TMEM9: variants seen among roughly 807,000 people sequenced by gnomAD.
TMEM9 encodes the protein transmembrane protein 9, also known as proton-transporting V-type ATPase complex assembly regulator TMEM9.
TMEM9 carries 13 observed loss-of-function variants against 22.8 expected under a neutral mutation model. The ratio of observed to expected loss-of-function variants is 0.57; its 90% CI spans 0.37 to 0.91. The LOEUF is 0.91. Among genes scored for constraint, TMEM9 ranks in the 40% least tolerant of loss-of-function variants. The probability of loss-of-function intolerance (pLI) is 0.01; values close to 1 mark genes in which losing one functional copy is unlikely to be tolerated. For synonymous variants in TMEM9, 88 were observed against 93.0 expected, an observed-to-expected ratio of 0.95 and a Z score of 0.31; for missense variants, 182 against 238.1, an observed-to-expected ratio of 0.76 and a Z score of 1.55.
chr1:201,147,682 A>C (rs1665088583), intron 2 of TMEM9, among the ~76,000 whole-genome samples: 1 of 152,174 alleles, frequency 6.6e-6, no homozygotes, highest in Admixed American at 6.5e-5. Context: ...TCCCCAGCTT[A>C]GGCCCGGTCA....
At chr1:201,136,183 ACTATTT>A (rs1663968079) in intron 4 of TMEM9, among the ~76,000 whole-genome samples, 1 of 152,060 alleles carries the variant, frequency 6.6e-6, no homozygotes, top group Admixed American at 6.5e-5. Flanking sequence ...GCCCCATTCC[ACTATTT>A]CTAACTCTCA....
At chr1:201,145,311 T>A (rs1300140864) in intron 3 of TMEM9, 1 of 152,248 alleles carries the variant, frequency 6.6e-6, no homozygotes, top group African/African-American at 2.4e-5. Context: ...GTCTCAGGCA[T>A]CTGGTCCCTG....
intron 3 of TMEM9, among the ~76,000 whole-genome samples, chr1:201,146,009 T>C (rs1340993312): frequency 6.6e-6 from 1 of 152,158 alleles, no homozygotes; most frequent in Non-Finnish European, 1.5e-5. Flanking sequence ...GTGAGTACTG[T>C]GTGTGCCAGG....
upstream of TMEM9, among the ~76,000 whole-genome samples, chr1:201,155,947 G>A (rs969865247): frequency 2.6e-5 from 4 of 152,162 alleles, no homozygotes; most frequent in African/African-American, 7.2e-5. Context: ...TGGCTGCTTT[G>A]GTGAGCAAGC....
At chr1:201,170,906 C>T (rs1298753581) in intron 1 of TMEM9, among the ~76,000 whole-genome samples, 1 of 152,228 alleles carries the variant, frequency 6.6e-6, no homozygotes, top group Non-Finnish European at 1.5e-5. Flanking sequence ...TCCAGGCCGC[C>T]TGGGGCGTTT....
intron 4 of TMEM9, among the ~76,000 whole-genome samples, chr1:201,138,542 C>T (rs572303033): frequency 8.5e-5 from 13 of 152,154 alleles, no homozygotes; most frequent in Admixed American, 2.0e-4. Context: ...AACTCGGGAG[C>T]AGAAGGGCAG....
chr1:201,163,160 G>A lies in TMEM9; in HGVS notation c.-37+8330C>T, dbSNP rs374163011. ...GAATTAGCTGGGTGTGATGGTGCAC[G>A]CCTGTAGTACCAGCTACTCAGGAGG... On this transcript the variant is annotated intron_variant, in intron 1 of 5. Coordinates refer to the TMEM9 transcript ENST00000367333. 5.7e-4 allele frequency among the ~76,000 whole-genome samples: 87 copies of A among 152,160 alleles called. No individual in the cohort carries two copies. In the South Asian group the frequency reaches 6.9e-3, roughly 12 times the overall value.
At chr1:201,146,382 G>A (rs557325850) in intron 3 of TMEM9, among the ~76,000 whole-genome samples, 1 of 152,186 alleles carries the variant, frequency 6.6e-6, no homozygotes, top group Non-Finnish European at 1.5e-5. Context: ...CCTCCCCATT[G>A]GCAGCATCTT....
At chr1:201,149,222 G>A (rs1402380753) in intron 2 of TMEM9, among the ~76,000 whole-genome samples, 1 of 152,162 alleles carries the variant, frequency 6.6e-6, no homozygotes, top group Non-Finnish European at 1.5e-5. Flanking sequence ...AACTTCTCCA[G>A]GCCTCGGTTC....
At chr1:201,156,019 A>C (rs187717430), upstream of TMEM9, among the ~76,000 whole-genome samples, 4 of 152,226 alleles carry the variant, frequency 2.6e-5, no homozygotes, top group East Asian at 7.7e-4. Context: ...TACTGGAAAA[A>C]GACACTTCTT....
intron 4 of TMEM9, among the ~76,000 whole-genome samples, chr1:201,140,698 T>C (rs963297270): frequency 3.9e-5 from 6 of 152,194 alleles, no homozygotes; most frequent in African/African-American, 1.4e-4. Context: ...CCCAGACTTC[T>C]GGGGCGTAGG....
chr1:201,166,731 G>A (rs771122995), intron 1 of TMEM9, among the ~76,000 whole-genome samples: 26 of 152,068 alleles, frequency 1.7e-4, no homozygotes, highest in South Asian at 1.0e-3. Context: ...CCCTAGTCCC[G>A]TCATATATTT....
At chr1:201,139,146 C>T (rs1022042607) in intron 4 of TMEM9, among the ~76,000 whole-genome samples, 7 of 152,238 alleles carry the variant, frequency 4.6e-5, no homozygotes, top group Non-Finnish European at 8.8e-5. Flanking sequence ...TGAGCTGGCA[C>T]TGGACTTGGC....
At chr1:201,142,004 G>A (rs951508585) in intron 4 of TMEM9, among the ~76,000 whole-genome samples, 4 of 152,194 alleles carry the variant, frequency 2.6e-5, no homozygotes, top group Admixed American at 1.3e-4. Flanking sequence ...CCTAATCGCT[G>A]AGTGTTTATT....
upstream of TMEM9, among the ~76,000 whole-genome samples, chr1:201,156,331 T>C (rs1665793817): frequency 6.6e-6 from 1 of 152,210 alleles, no homozygotes; most frequent in African/African-American, 2.4e-5. Flanking sequence ...TCGGCTAGCA[T>C]TCTGCTCCCT....
chr1:201,170,716 A>T (rs900802112), intron 1 of TMEM9, among the ~76,000 whole-genome samples: 8 of 152,168 alleles, frequency 5.3e-5, no homozygotes, highest in African/African-American at 1.9e-4. Context: ...CGCAAAGGGC[A>T]AGTGTATTGC....
intron 4 of TMEM9, among the ~76,000 whole-genome samples, chr1:201,136,841 T>C (rs888672578): frequency 1.3e-5 from 2 of 152,080 alleles, no homozygotes; most frequent in African/African-American, 4.8e-5. Context: ...AAGGGATTAG[T>C]GCACTTCTCT....
intron 4 of TMEM9, among the ~76,000 whole-genome samples, chr1:201,140,619 G>A (rs138035865): frequency 6.6e-6 from 1 of 152,260 alleles, no homozygotes; most frequent in Non-Finnish European, 1.5e-5. Context: ...AGGAATTGGG[G>A]AGAAGGAACC....
Position 201,147,914 on chromosome 1 carries a change from C to T in TMEM9, c.159-1066G>A, listed in dbSNP as rs1226783800. On this transcript the variant is annotated intron_variant, in intron 2 of 4. Transcript: ENST00000367330. Reference sequence around the variant, plus strand: ...CATCTTTTAACTCTCAGCTTAGCCACCTGTGCCCAATAGCCAGCTCCCCCC... The same window carrying T: ...CATCTTTTAACTCTCAGCTTAGCCATCTGTGCCCAATAGCCAGCTCCCCCC... 6.6e-5 allele frequency among the ~76,000 whole-genome samples: 10 copies of T among 152,214 alleles called. No homozygotes were observed. In the East Asian group the frequency reaches 1.9e-3, roughly 29 times the overall value.
Sources: gnomAD v4.1 joint callset for allele counts (sites outside exome capture counted in the v4.1 genomes callset) on GRCh38, gnomAD v4.1.1 for gene constraint, MANE v1.5 for transcripts, NCBI Gene and HGNC (gene_info 2026-07-23, HGNC 2026-07-21) for gene names.